The following MX1 variants were observed in gnomAD, a reference collection of about 807,000 sequenced individuals.
MX1 encodes the protein MX dynamin like GTPase 1.
MX1 carries 66 observed loss-of-function variants against 66.4 expected under a neutral mutation model. The ratio of observed to expected loss-of-function variants is 0.99; its 90% CI spans 0.82 to 1.22. The LOEUF is 1.22. Ranked by LOEUF, MX1 falls within the 50% of genes most tolerant of loss-of-function variation. MX1 has a pLI of 0.00. For synonymous variants in MX1, 311 were observed against 318.1 expected (o/e 0.98, Z 0.24); for missense variants, 787 against 834.3 (o/e 0.94, Z 0.70).
At chr21:41,446,828 A>C (rs1449406505) in intron 13 of MX1, among the ~76,000 whole-genome samples, 4 of 152,206 alleles carry the variant, frequency 2.6e-5, no homozygotes, top group African/African-American at 9.7e-5. Context: ...TTTTTAGGGG[A>C]CACCAACATG....
chr21:41,430,243 T>C (rs1207505251), intron 3 of MX1, among the ~76,000 whole-genome samples: 1 of 152,008 alleles, frequency 6.6e-6, no homozygotes, highest in Non-Finnish European at 1.5e-5. Context: ...CTGACAAAGA[T>C]CACATGGCTC....
chr21:41,437,256 A>G, intron 7 of MX1, 104 bp downstream of exon 7: 1 of 1,315,796 alleles, frequency 7.6e-7, no homozygotes, highest in East Asian at 2.3e-5. Flanking sequence ...CTGTCAGGAC[A>G]CCTTTCTCCT....
At chr21:41,429,082 G>A (rs1243602154) in intron 3 of MX1, 1 of 152,276 alleles carries the variant, frequency 6.6e-6, no homozygotes, top group Non-Finnish European at 1.5e-5. Context: ...AGACATTTTA[G>A]GAGCAATTTG....
intron 8 of MX1, 63 bp downstream of exon 8, chr21:41,439,911 G>C: frequency 3.1e-4 from 341 of 1,112,942 alleles, no homozygotes; most frequent in Middle Eastern, 1.0e-3. Context: ...GGAGGGGTGG[G>C]AGGAGAAAGA....
At chr21:41,424,481 C>A (rs979784757), upstream of MX1, among the ~76,000 whole-genome samples, 1 of 152,140 alleles carries the variant, frequency 6.6e-6, no homozygotes, top group Admixed American at 6.5e-5. Context: ...GACCCCAGGA[C>A]CTAAAGCTGG....
intron 8 of MX1, 41 bp from the exon 9 acceptor site, chr21:41,440,846 T>G: frequency 6.2e-7 from 1 of 1,613,372 alleles, no homozygotes; most frequent in Non-Finnish European, 8.5e-7. Flanking sequence ...CTCACTTGCC[T>G]TTGCCATACT....
At chr21:41,455,407 G>A (rs1243158526) in intron 16 of MX1, among the ~76,000 whole-genome samples, 1 of 152,218 alleles carries the variant, frequency 6.6e-6, no homozygotes, top group African/African-American at 2.4e-5. Flanking sequence ...CCTGTCCGCT[G>A]CTTCCACTGC....
intron 7 of MX1, 123 bp from the exon 8 acceptor site, chr21:41,439,571 G>A: frequency 3.2e-6 from 3 of 940,962 alleles, no homozygotes; most frequent in Non-Finnish European, 5.0e-6. Flanking sequence ...AATTGAATCT[G>A]CTCCAAATAT....
intron 16 of MX1, among the ~76,000 whole-genome samples, chr21:41,455,379 C>T (rs2090934286): frequency 6.6e-6 from 1 of 152,234 alleles, no homozygotes; most frequent in African/African-American, 2.4e-5. Context: ...ATCAGCTTCT[C>T]CTGCAGCCAA....
At chr21:41,422,741 G>A (rs2090006141), upstream of MX1, 1 of 152,260 alleles carries the variant, frequency 6.6e-6, no homozygotes, top group South Asian at 2.1e-4. Flanking sequence ...TACAGAAGCT[G>A]CCTCTTGATT....
upstream of MX1, among the ~76,000 whole-genome samples, chr21:41,423,549 T>C (rs531306388): frequency 2.6e-5 from 4 of 152,300 alleles, no homozygotes; most frequent in African/African-American, 9.6e-5. Context: ...ATTGGTCGGG[T>C]GTGAGCTAAG....
chr21:41,459,188 C>T lies in MX1; in HGVS notation c.*430C>T. 5.3e-6 allele frequency: 1 copy of T among 188,026 alleles called. No individual in the cohort carries two copies. 11.6% of individuals were successfully genotyped at this position (188,026 alleles called of 1,614,324 possible). On this transcript the variant is annotated 3_prime_UTR_variant, in exon 17 of 17. Transcript: ENST00000398598. ...CCTGTCGGAGCCCTGTCTCCTCTCT[C>T]TGTAATAAACTCATTTCTAGCAGAC...
chr21:41,434,545 C>T (rs364153), intron 5 of MX1, among the ~76,000 whole-genome samples: 57,129 of 151,990 alleles, frequency 0.38, 12,380 homozygotes, highest in Non-Finnish European at 0.51. Flanking sequence ...TCTGCCTTCT[C>T]TTGGATTATT....
In MX1 at chr21:41,451,257, T is replaced by A; in HGVS notation, c.1509+14T>A. The A allele has an allele frequency of 6.5e-7, 1 of 1,533,830 alleles. No individual in the cohort carries two copies. Among genetic ancestry groups the A allele is most frequent in the South Asian group, 1.2e-5 (1 of 84,120 alleles). On this transcript the variant is annotated intron_variant, in intron 15 of 16. Transcript: ENST00000398598. Reference sequence around the variant, plus strand: ...AGAACCGCCAAGGTAAAACCAACCATGTGTTGTTTAAAAAAAAAAAAGAAA... The same window carrying A: ...AGAACCGCCAAGGTAAAACCAACCAAGTGTTGTTTAAAAAAAAAAAAGAAA...
intron 12 of MX1, 131 bp from the exon 13 acceptor site, chr21:41,445,869 C>T (rs2090647720): frequency 2.5e-6 from 3 of 1,186,914 alleles, no homozygotes; most frequent in Admixed American, 5.3e-5. Flanking sequence ...CTCTTCTTTC[C>T]CCTGATCCAC....
chr21:41,424,862 C>T (rs1004190543), upstream of MX1, among the ~76,000 whole-genome samples: 2 of 152,212 alleles, frequency 1.3e-5, no homozygotes, highest in Non-Finnish European at 2.9e-5. Context: ...GCTTATATGT[C>T]GTTTGAGATG....
Position 41,436,025 on chromosome 21 carries a change from C to T in MX1, c.294C>T (p.Gly98=). 6.2e-7 allele frequency: 1 copy of T among 1,614,038 alleles called. No individual in the cohort carries two copies. The highest frequency in any genetic ancestry group is 8.5e-7 in the Non-Finnish European group (1 of 1,179,918). ...TGTCAGGAGTTGCCCTTCCCAGAGG[C>T]AGCGGTAAGAACTTACATTCTGTGT... ...EALSGVALPR[G]SGIVTRCPLV... Residue 98 remains glycine, a synonymous_variant, in exon 6 of 17, where the codon GGC becomes GGT. Transcript: ENST00000398598.
chr21:41,435,921 G>A lies in MX1; in HGVS notation c.190G>A (p.Val64Met), dbSNP rs747606728. The A allele has an allele frequency of 1.5e-5, 24 of 1,614,222 alleles. No individual in the cohort carries two copies. Among genetic ancestry groups the A allele is most frequent in the Admixed American group, 1.2e-4 (7 of 60,022 alleles). Residue 64 changes from valine to methionine, a missense_variant, in exon 6 of 17, where the codon GTG becomes ATG. Transcript: ENST00000398598. ...CATTGACTCCCTGCGGGCTCTAGGT[G>A]TGGAGCAGGACCTGGCCCTGCCAGC... ...DLIDSLRALG[V>M]EQDLALPAIA...
intron 10 of MX1, among the ~76,000 whole-genome samples, chr21:41,443,196 G>A (rs1168099805): frequency 3.3e-5 from 5 of 152,200 alleles, no homozygotes; most frequent in African/African-American, 9.6e-5. Context: ...AGAAACTCAT[G>A]CTTCACTGCT....
Sources: gnomAD v4.1 joint callset for allele counts (sites outside exome capture counted in the v4.1 genomes callset) on GRCh38, gnomAD v4.1.1 for gene constraint, MANE v1.5 for transcripts, NCBI Gene and HGNC (gene_info 2026-07-23, HGNC 2026-07-21) for gene names.